The following HS3ST5 variants were observed in gnomAD, a reference collection of about 807,000 sequenced individuals.
HS3ST5 encodes heparan sulfate glucosamine 3-O-sulfotransferase 5.
A neutral mutation model predicts 25.4 loss-of-function variants in HS3ST5; 10 were observed. The ratio of observed to expected loss-of-function variants is 0.39; its 90% CI spans 0.24 to 0.67. HS3ST5 has a LOEUF of 0.67. Ranked by LOEUF, HS3ST5 falls within the 30% of genes least tolerant of loss-of-function variation. The pLI is 0.44. For missense variants in HS3ST5, 324 were observed against 420.7 expected (o/e 0.77, Z 2.01); for synonymous variants, 170 against 162.4 (o/e 1.05, Z -0.36).
chr6:114,262,541 T>G, intron 1 of HS3ST5, among the ~76,000 whole-genome samples: 1 of 150,594 alleles, frequency 6.6e-6, no homozygotes. Context: ...TGCGAGACTC[T>G]GTCTCAAAAG....
intron 2 of HS3ST5, among the ~76,000 whole-genome samples, chr6:114,192,720 G>C (rs900094455): frequency 2.0e-5 from 3 of 152,096 alleles, no homozygotes; most frequent in Non-Finnish European, 2.9e-5. Context: ...TTCAGCTAGA[G>C]ACCTCAGAAC....
intron 3 of HS3ST5, among the ~76,000 whole-genome samples, chr6:114,092,322 G>A (rs1248739956): frequency 1.3e-5 from 2 of 152,190 alleles, no homozygotes; most frequent in Non-Finnish European, 2.9e-5. Context: ...TGAATGAAGC[G>A]GGGCCTTGAA....
chr6:114,153,022 T>C (rs903513986), intron 3 of HS3ST5, among the ~76,000 whole-genome samples: 1 of 152,164 alleles, frequency 6.6e-6, no homozygotes, highest in African/African-American at 2.4e-5. Flanking sequence ...CTACAAGGAG[T>C]TGAAGTCTTG....
rs985337230 is a variant in HS3ST5 at position 114,115,088 on chromosome 6, T to C, written c.-32-52211A>G. 2.6e-5 allele frequency among the ~76,000 whole-genome samples: 4 copies of C among 152,234 alleles called. No individual in the cohort carries two copies. In the East Asian group the frequency reaches 7.7e-4, roughly 29 times the overall value. ...CCCAGTTGGCAAATTATGAGGATAA[T>C]AATAAAACCTATATGAGGATATATT... On this transcript the variant is annotated intron_variant, in intron 3 of 4. Coordinates refer to ENST00000312719, the MANE Select transcript of HS3ST5 (RefSeq NM_153612.4).
Position 114,161,217 on chromosome 6 carries a change from T to C in HS3ST5, c.-33+7134A>G, listed in dbSNP as rs139695345. Among the ~76,000 whole-genome samples, 1,003 of 151,912 alleles carry C rather than the reference T, an allele frequency of 6.6e-3. 11 individuals carry two copies. The highest frequency in any genetic ancestry group is 0.023 in the African/African-American group (953 of 41,424). ...CGGCCTTCGTGGAGACCTAGATTGG[T>C]CCTCGGGTTTCTCATAAATGGACAA... is the stretch of plus-strand genomic sequence containing the variant. On this transcript the variant is annotated intron_variant, in intron 3 of 4. Coordinates refer to ENST00000312719, the MANE Select transcript of HS3ST5 (RefSeq NM_153612.4).
chr6:114,085,931 A>G, intron 3 of HS3ST5, among the ~76,000 whole-genome samples: 1 of 74,228 alleles, frequency 1.3e-5, no homozygotes, highest in South Asian at 4.8e-4. Context: ...ATATAAATTC[A>G]TTGCCCCCCC....
At chr6:114,067,048 C>T (rs1773493239) in intron 3 of HS3ST5, among the ~76,000 whole-genome samples, 1 of 152,184 alleles carries the variant, frequency 6.6e-6, no homozygotes, top group African/African-American at 2.4e-5. Context: ...CACTGTTCTC[C>T]ATATGCCTTT....
intron 3 of HS3ST5, among the ~76,000 whole-genome samples, chr6:114,131,636 G>A (rs537542354): frequency 6.6e-6 from 1 of 152,302 alleles, no homozygotes; most frequent in African/African-American, 2.4e-5. Context: ...TCAGGAAACT[G>A]AATTTTGAAA....
At chr6:114,063,191 T>C (rs1773236232) in intron 3 of HS3ST5, among the ~76,000 whole-genome samples, 1 of 152,122 alleles carries the variant, frequency 6.6e-6, no homozygotes, top group African/African-American at 2.4e-5. Context: ...TGTGTGTGTA[T>C]ATATAAAATG....
intron 1 of HS3ST5, among the ~76,000 whole-genome samples, chr6:114,319,351 T>C (rs1775872746): frequency 6.6e-6 from 1 of 152,142 alleles, no homozygotes; most frequent in Non-Finnish European, 1.5e-5. Context: ...CCTAGGAGAA[T>C]AATTTTTATC....
At chr6:114,203,664 T>C (rs1201107122) in intron 2 of HS3ST5, among the ~76,000 whole-genome samples, 3 of 152,284 alleles carry the variant, frequency 2.0e-5, no homozygotes, top group Non-Finnish European at 4.4e-5. Context: ...CCCCCTCCCC[T>C]GAAACTGACT....
intron 1 of HS3ST5, among the ~76,000 whole-genome samples, chr6:114,316,379 A>G (rs1775749696): frequency 6.6e-6 from 1 of 152,200 alleles, no homozygotes; most frequent in Non-Finnish European, 1.5e-5. Flanking sequence ...GACACTCATA[A>G]AACAAACACC....
intron 2 of HS3ST5, among the ~76,000 whole-genome samples, chr6:114,203,644 T>C (rs1031514952): frequency 6.6e-6 from 1 of 152,170 alleles, no homozygotes; most frequent in African/African-American, 2.4e-5. Context: ...CAACTGGTCC[T>C]GTGACTACTC....
chr6:114,093,264 C>A (rs1010613644), intron 3 of HS3ST5, among the ~76,000 whole-genome samples: 15 of 151,962 alleles, frequency 9.9e-5, no homozygotes, highest in Admixed American at 3.9e-4. Flanking sequence ...AATCAAGCTG[C>A]TCCTGATGAA....
chr6:114,155,197 T>C (rs983789148), intron 3 of HS3ST5, among the ~76,000 whole-genome samples: 5 of 152,208 alleles, frequency 3.3e-5, no homozygotes, highest in African/African-American at 1.2e-4. Context: ...TTTATTATGA[T>C]ACAAATTTTG....
intron 3 of HS3ST5, among the ~76,000 whole-genome samples, chr6:114,100,018 A>G (rs1775642521): frequency 6.6e-6 from 1 of 152,164 alleles, no homozygotes; most frequent in Non-Finnish European, 1.5e-5. Context: ...CCCCAACTTC[A>G]TGGTTCATAT....
At chr6:114,203,246 GA>G (rs1362651213) in intron 2 of HS3ST5, among the ~76,000 whole-genome samples, 2 of 152,176 alleles carry the variant, frequency 1.3e-5, no homozygotes, top group African/African-American at 2.4e-5. Context: ...AACAGTGACA[GA>G]AATCTAACCT....
At chr6:114,113,800 A>G (rs1776386004) in intron 3 of HS3ST5, among the ~76,000 whole-genome samples, 2 of 151,956 alleles carry the variant, frequency 1.3e-5, no homozygotes, top group Non-Finnish European at 2.9e-5. Context: ...AACTTGGTTG[A>G]AGAAAGATTT....
At chr6:114,238,054 G>A (rs1771939245) in intron 1 of HS3ST5, among the ~76,000 whole-genome samples, 1 of 152,118 alleles carries the variant, frequency 6.6e-6, no homozygotes, top group Non-Finnish European at 1.5e-5. Context: ...AATACAAAAA[G>A]ATAATCATGA....
Sources: gnomAD v4.1 joint callset for allele counts (sites outside exome capture counted in the v4.1 genomes callset) on GRCh38, gnomAD v4.1.1 for gene constraint, MANE v1.5 for transcripts, NCBI Gene and HGNC (gene_info 2026-07-23, HGNC 2026-07-21) for gene names.